The following GPR20 variants were observed in gnomAD, a reference collection of about 807,000 sequenced individuals.
GPR20 encodes CTD-3064M3.3.
For missense variants in GPR20, 494 were observed against 527.4 expected, an observed-to-expected ratio of 0.94 and a Z score of 0.62; for synonymous variants, 241 against 241.9, an observed-to-expected ratio of 1.00 and a Z score of 0.04.
intron 1 of GPR20, among the ~76,000 whole-genome samples, chr8:141,359,129 G>A (rs935126395): frequency 1.2e-4 from 19 of 152,070 alleles, no homozygotes; most frequent in Admixed American, 1.2e-3. Flanking sequence ...GGGGAGGCTC[G>A]TGGGCCGTTT....
intron 1 of GPR20, among the ~76,000 whole-genome samples, chr8:141,359,916 T>G (rs1460056687): frequency 6.6e-6 from 1 of 152,242 alleles, no homozygotes; most frequent in Admixed American, 6.5e-5. Flanking sequence ...ATGTGCCTTT[T>G]GCTTTTCCAA....
intron 1 of GPR20, among the ~76,000 whole-genome samples, chr8:141,361,969 T>G (rs1404179912): frequency 1.3e-5 from 2 of 152,186 alleles, no homozygotes; most frequent in Non-Finnish European, 2.9e-5. Flanking sequence ...ATGTCCCTCA[T>G]GCCCTCCCCG....
At chr8:141,364,382 G>A (rs1831784044) in intron 1 of GPR20, among the ~76,000 whole-genome samples, 1 of 152,248 alleles carries the variant, frequency 6.6e-6, no homozygotes, top group South Asian at 2.1e-4. Context: ...ATCATCTGCT[G>A]TTTTTGATAA....
At chr8:141,360,745 C>A (rs759244939) in intron 1 of GPR20, among the ~76,000 whole-genome samples, 12 of 152,302 alleles carry the variant, frequency 7.9e-5, no homozygotes, top group Non-Finnish European at 1.8e-4. Flanking sequence ...CTCTGCTCTC[C>A]GGAGGGCCCG....
At chr8:141,359,135 C>T (rs924941626) in intron 1 of GPR20, among the ~76,000 whole-genome samples, 8 of 152,080 alleles carry the variant, frequency 5.3e-5, no homozygotes, top group African/African-American at 9.7e-5. Flanking sequence ...GCTCGTGGGC[C>T]GTTTCTTCTG....
At position 141,357,280 on chromosome 8, in the gene GPR20, AAC is replaced by A; in HGVS notation, c.642_643del (p.Phe215TyrfsTer104). 1 of 1,542,660 alleles carries A rather than the reference AAC, an allele frequency of 6.5e-7. No homozygotes were observed. The highest frequency in any genetic ancestry group is 1.2e-5 in the South Asian group (1 of 84,908). On this transcript the variant is annotated frameshift_variant, in exon 2 of 2. Transcript: ENST00000377741. LOFTEE classifies it low-confidence loss of function (END_TRUNC). ...CAGTGCACACATGATGCGGCCGGTA[AAC>A]ACGCTGATGACCAGCAGGGGCAGCA...
chr8:141,356,782 G>A lies in GPR20; in HGVS notation c.*65C>T. On this transcript the variant is annotated 3_prime_UTR_variant, in exon 2 of 2. Transcript: ENST00000377741. ...GGAACCGATTGCCACCCCTGGCATG[G>A]TGGGTGTCCACGCTGGCATGCCCAG... 8.6e-7 allele frequency: 1 copy of A among 1,164,736 alleles called. No individual in the cohort carries two copies. The allele number at this position is 1,164,736 out of a possible 1,614,324, so 72.2% of individuals were successfully genotyped here. A position where few individuals can be genotyped will look rare whatever the true frequency, so the allele number is the denominator to read the frequency against.
At chr8:141,360,766 A>G (rs1831722294) in intron 1 of GPR20, among the ~76,000 whole-genome samples, 1 of 152,142 alleles carries the variant, frequency 6.6e-6, no homozygotes, top group Admixed American at 6.5e-5. Context: ...GGTGATGAGC[A>G]GTCACCAGCA....
Position 141,357,081 on chromosome 8 carries a change from C to T in GPR20, c.843G>A (p.Val281=), listed in dbSNP as rs1182016342. The part of the protein sequence containing the change: ...PHHTSLVVYH[V]AVTLSSLNSC... ...TGTTGAGGCTGCTGAGGGTCACGGC[C>T]ACGTGGTAGACCACGAGGCTCGTGT... Residue 281 remains valine (V), a synonymous_variant, in exon 2 of 2, where the codon GTG becomes GTA. Coordinates refer to ENST00000377741, the MANE Select transcript of GPR20 (RefSeq NM_005293.3). 1 of 1,612,656 alleles carries T rather than the reference C, an allele frequency of 6.2e-7. No homozygotes were observed. The highest frequency in any genetic ancestry group is 8.5e-7 in the Non-Finnish European group (1 of 1,179,836).
At chr8:141,358,401 T>A (rs1241751690) in intron 1 of GPR20, among the ~76,000 whole-genome samples, 2 of 152,222 alleles carry the variant, frequency 1.3e-5, no homozygotes, top group African/African-American at 4.8e-5. Context: ...ACTTAACCTC[T>A]CTACCTGCTT....
rs1831828040 is a variant in GPR20, at chr8:141,367,264, ACCTC to A, written c.-92_-89del. ...GCTCTCAGCTCTGCATGCAGCCCGG[ACCTC>A]GCCTTCCTACGGCCTGACGTCAGGC... On this transcript the variant is annotated 5_prime_UTR_variant, in exon 1 of 2. Transcript: ENST00000377741. 1 of 143,378 alleles carries A rather than the reference ACCTC, an allele frequency of 7.0e-6. No homozygotes were observed. Among genetic ancestry groups the A allele is most frequent in the Non-Finnish European group, 1.5e-5 (1 of 66,728 alleles). The allele number at this position is 143,378 out of a possible 1,614,324, so 8.9% of individuals were successfully genotyped here. A position where few individuals can be genotyped will look rare whatever the true frequency, so the allele number is the denominator to read the frequency against.
chr8:141,357,043 G>A lies in GPR20; in HGVS notation c.881C>T (p.Pro294Leu). 6.2e-7 allele frequency: 1 copy of A among 1,612,788 alleles called. No homozygotes were observed. The highest frequency in any genetic ancestry group is 8.5e-7 in the Non-Finnish European group (1 of 1,179,572). ...ACTGGTGACGAAGCAGTAGACGATGGGGTCCATGCAGCTGTTGAGGCTGCT... is the reference window on the plus strand; with the variant it reads ...ACTGGTGACGAAGCAGTAGACGATGAGGTCCATGCAGCTGTTGAGGCTGCT... ...TLSSLNSCMD[P>L]IVYCFVTSGF... The change falls in exon 2 of 2, where the codon CCC becomes CTC. Residue 294 changes from proline to leucine, a missense_variant. Transcript: ENST00000377741.
intron 1 of GPR20, among the ~76,000 whole-genome samples, chr8:141,364,867 C>T (rs746088966): frequency 2.6e-5 from 4 of 152,334 alleles, no homozygotes; most frequent in Admixed American, 1.3e-4. Flanking sequence ...CCTTTCCTCC[C>T]CATCACCGAG....
chr8:141,360,734 ACT>A (rs1563706538), intron 1 of GPR20, among the ~76,000 whole-genome samples: 1 of 151,970 alleles, frequency 6.6e-6, no homozygotes. Flanking sequence ...AGAGGCACAG[ACT>A]CTGCTCTCCG....
In GPR20 at chr8:141,359,955, C is replaced by T. The variant is rs371150865; in HGVS notation, c.-24-2008G>A. On this transcript the variant is annotated intron_variant, in intron 1 of 1. Coordinates refer to ENST00000377741, the MANE Select transcript of GPR20 (RefSeq NM_005293.3). The stretch of plus-strand genomic sequence containing the variant: ...GTCTGCACGGGGCCTATATTAGTGT[C>T]CCAATCAGAGACAAATCATAAACAA... Among the ~76,000 whole-genome samples, 192 of 152,314 alleles carry T rather than the reference C, an allele frequency of 1.3e-3. 2 individuals carry two copies. The highest frequency in any genetic ancestry group is 4.5e-3 in the African/African-American group (186 of 41,564).
rs1297722431 is a variant in GPR20, at chr8:141,357,149, C to T, written c.775G>A (p.Ala259Thr). ...IFLVCFTPFH[A>T]RQVAVALWPD... ...CACAGCGCCACGGCCACTTGGCGGGCGTGGAAGGGCGTGAAGCAGACGAGA... is the reference window on the plus strand; with the variant it reads ...CACAGCGCCACGGCCACTTGGCGGGTGTGGAAGGGCGTGAAGCAGACGAGA... The change falls in exon 2 of 2, where the codon GCC becomes ACC. Residue 259 changes from alanine (A) to threonine (T), a missense_variant. Ala to Thr is a moderately conservative substitution (Grantham distance 58). Coordinates refer to ENST00000377741, the MANE Select transcript of GPR20 (RefSeq NM_005293.3). The T allele has an allele frequency of 9.3e-6, 15 of 1,609,406 alleles. No individual in the cohort carries two copies. The highest frequency in any genetic ancestry group is 2.2e-5 in the East Asian group (1 of 44,858).
chr8:141,358,500 G>T lies in GPR20; in HGVS notation c.-24-553C>A, dbSNP rs1291765079. Among the ~76,000 whole-genome samples the T allele has an allele frequency of 2.0e-5, 3 of 152,204 alleles. No individual in the cohort carries two copies. The South Asian group carries it at 6.2e-4, about 31-fold the overall frequency. ...AGCGCCAGCAGAGTTGGTGGCTGATGACCCAGTTCTGCTGGGACAGAGCCT... is the reference window on the plus strand; with the variant it reads ...AGCGCCAGCAGAGTTGGTGGCTGATTACCCAGTTCTGCTGGGACAGAGCCT... On this transcript the variant is annotated intron_variant, in intron 1 of 1. Transcript: ENST00000377741.
Position 141,358,920 on chromosome 8 carries a change from C to G in GPR20, c.-24-973G>C, listed in dbSNP as rs113452897. On this transcript the variant is annotated intron_variant, in intron 1 of 1. Coordinates refer to ENST00000377741, the MANE Select transcript of GPR20 (RefSeq NM_005293.3). ...TGGGCAGGGGGGCCAGGGTGGGGGG[C>G]GGGCGAGGGGCTGTGCCGGAGCCAC... 4.0e-4 allele frequency among the ~76,000 whole-genome samples: 51 copies of G among 127,342 alleles called. No individual in the cohort carries two copies. The South Asian group carries it at 6.6e-3, about 17-fold the overall frequency. 83.5% of individuals were successfully genotyped at this position (127,342 alleles called of 152,430 possible).
intron 1 of GPR20, among the ~76,000 whole-genome samples, chr8:141,365,689 G>A (rs922254592): frequency 2.0e-5 from 3 of 152,226 alleles, no homozygotes; most frequent in Admixed American, 1.3e-4. Flanking sequence ...CAGTGAGCAT[G>A]AAGGGCCAGA....
Sources: gnomAD v4.1 joint callset for allele counts (sites outside exome capture counted in the v4.1 genomes callset) on GRCh38, gnomAD v4.1.1 for gene constraint, MANE v1.5 for transcripts, NCBI Gene and HGNC (gene_info 2026-07-23, HGNC 2026-07-21) for gene names.